ATRX: variants seen among roughly 807,000 people sequenced by gnomAD.
ATRX encodes ATRX chromatin remodeler, also known as chromatin remodeler ATRX.
Under a neutral mutation model 172.6 loss-of-function variants are expected in ATRX, and 12 were observed. That is an observed-to-expected ratio of 0.07 (90% CI 0.04 to 0.11). The LOEUF is 0.11. ATRX is among the 10% of genes least tolerant of loss of function. The pLI is 1.00. For synonymous variants in ATRX, 674 were observed against 594.7 expected (o/e 1.13, Z -1.94); for missense variants, 1,368 against 1,767.4 (o/e 0.77, Z 4.05).
At chrX:77,647,211 T>C (rs1189907385) in intron 15 of ATRX, among the ~76,000 whole-genome samples, 2 of 111,473 alleles carry the variant, frequency 1.8e-5, no homozygotes, top group Non-Finnish European at 3.8e-5. Context: ...GAAAACACTT[T>C]GAGACAAATG....
chrX:77,526,822 C>G (rs2063397532), intron 30 of ATRX, among the ~76,000 whole-genome samples: 1 of 111,825 alleles, frequency 8.9e-6, no homozygotes, highest in African/African-American at 3.3e-5. Context: ...AACGTATTCA[C>G]CCCACTAATT....
At position 77,709,408 on chromosome X, in the gene ATRX, T is replaced by C. The variant is rs782289934; in HGVS notation, c.133+7723A>G. Among the ~76,000 whole-genome samples the C allele has an allele frequency of 1.1e-4, 12 of 110,638 alleles. No individual in the cohort carries two copies. In the South Asian group the frequency reaches 4.1e-3, roughly 38 times the overall value. ...TGGGAATATAAAACAGTACAACCACTCTGGATAACAGTTCAGGAGTTTCTT... is the reference window on the plus strand; with the variant it reads ...TGGGAATATAAAACAGTACAACCACCCTGGATAACAGTTCAGGAGTTTCTT... On this transcript the variant is annotated intron_variant, in intron 2 of 34. Coordinates refer to ENST00000373344, the MANE Select transcript of ATRX (RefSeq NM_000489.6).
intron 34 of ATRX, among the ~76,000 whole-genome samples, chrX:77,515,689 CAA>C (rs1312737771): frequency 5.4e-5 from 6 of 111,893 alleles, no homozygotes; most frequent in Non-Finnish European, 1.1e-4. Context: ...CAGCTCATCA[CAA>C]AGAGTCTGAC....
intron 30 of ATRX, among the ~76,000 whole-genome samples, chrX:77,543,976 T>A (rs1031788651): frequency 3.8e-5 from 4 of 105,613 alleles, no homozygotes; most frequent in South Asian, 4.1e-4. Flanking sequence ...ATATATATAT[T>A]GGACACAAGC....
intron 34 of ATRX, 113 bp from the exon 35 acceptor site, chrX:77,508,742 A>G (rs2062768802): frequency 3.7e-6 from 3 of 808,987 alleles, no homozygotes; most frequent in Admixed American, 4.5e-5. Flanking sequence ...AGGAAAACAC[A>G]TTATTGTTAA....
intron 1 of ATRX, among the ~76,000 whole-genome samples, chrX:77,779,426 T>C (rs782118007): frequency 1.8e-5 from 2 of 111,258 alleles, no homozygotes; most frequent in East Asian, 5.6e-4. Context: ...TCTTTAACCA[T>C]ACTAATAGCT....
chrX:77,630,906 T>A (rs2068077278), intron 19 of ATRX, among the ~76,000 whole-genome samples: 1 of 111,352 alleles, frequency 9.0e-6, no homozygotes, highest in Non-Finnish European at 1.9e-5. Flanking sequence ...TTTTAAAGAT[T>A]AGTACTGAAA....
In ATRX at chrX:77,515,717, T is replaced by C. The variant is rs376477561; in HGVS notation, c.7200+5071A>G. ...AGAGTCTGACAAATTCAACATGTTA[T>C]AGACAACTAGAGCTTTTCTCATTCC... On this transcript the variant is annotated intron_variant, in intron 34 of 34. Coordinates refer to ENST00000373344, the MANE Select transcript of ATRX (RefSeq NM_000489.6). Among the ~76,000 whole-genome samples the C allele has an allele frequency of 1.5e-3, 164 of 112,162 alleles. 4 individuals carry two copies. The South Asian group carries it at 0.056, about 39-fold the overall frequency.
At chrX:77,560,677 T>A (rs1271711918) in intron 28 of ATRX, among the ~76,000 whole-genome samples, 2 of 111,423 alleles carry the variant, frequency 1.8e-5, no homozygotes, top group Non-Finnish European at 3.8e-5. Flanking sequence ...AAACTCTAAA[T>A]TTAAATGATG....
intron 27 of ATRX, among the ~76,000 whole-genome samples, chrX:77,574,878 T>C (rs1434122110): frequency 9.1e-6 from 1 of 109,798 alleles, no homozygotes; most frequent in Non-Finnish European, 1.9e-5. Flanking sequence ...ATTTCAAATG[T>C]GGTGTGTGTG....
At position 77,522,379 on chromosome X, in the gene ATRX, T is replaced by G; in HGVS notation, c.6859A>C (p.Met2287Leu). The G allele has an allele frequency of 2.5e-6, 3 of 1,210,485 alleles. No individual in the cohort carries two copies. The highest frequency in any genetic ancestry group is 3.4e-6 in the Non-Finnish European group (3 of 894,577). The change falls in exon 32 of 35, where the codon ATG (methionine) becomes CTG (leucine). Residue 2287 changes from methionine (M) to leucine (L), a missense_variant. By Grantham distance (15) the Met-to-Leu change is conservative. Coordinates refer to ENST00000373344, the MANE Select transcript of ATRX (RefSeq NM_000489.6). ...EYEAEKKGLT[M>L]RFNIPTGTNL... ...GTCCCAGTTGGTATGTTGAAACGCATGGTCAGTCCCTAAAAACAAAAAAAT... is the reference window on the plus strand; with the variant it reads ...GTCCCAGTTGGTATGTTGAAACGCAGGGTCAGTCCCTAAAAACAAAAAAAT...
At chrX:77,772,546 G>A (rs1016381090) in intron 1 of ATRX, among the ~76,000 whole-genome samples, 4 of 105,636 alleles carry the variant, frequency 3.8e-5, no homozygotes, top group East Asian at 3.0e-4. Context: ...GCGCCATCTC[G>A]GCTCACTGCA....
intron 30 of ATRX, among the ~76,000 whole-genome samples, chrX:77,536,750 G>A (rs1407081537): frequency 5.4e-5 from 6 of 111,695 alleles, no homozygotes; most frequent in African/African-American, 2.0e-4. Context: ...TATAATCTCT[G>A]CAATCAACTT....
chrX:77,737,379 C>T (rs1166999360), intron 1 of ATRX, among the ~76,000 whole-genome samples: 1 of 88,765 alleles, frequency 1.1e-5, no homozygotes. Flanking sequence ...GCCAAGATCG[C>T]ACCATTGCAC....
At chrX:77,578,920 G>A (rs2065727636) in intron 27 of ATRX, among the ~76,000 whole-genome samples, 1 of 111,577 alleles carries the variant, frequency 9.0e-6, no homozygotes, top group Non-Finnish European at 1.9e-5. Context: ...CTGCCCTGAA[G>A]GGTGAGTCTC....
intron 28 of ATRX, among the ~76,000 whole-genome samples, chrX:77,566,184 G>A (rs73627472): frequency 0.024 from 2,630 of 111,122 alleles, 72 homozygotes; most frequent in African/African-American, 0.082. Flanking sequence ...CCACAAACAG[G>A]ATAAACCCAA....
chrX:77,516,424 G>A (rs191829193), intron 34 of ATRX, among the ~76,000 whole-genome samples: 2 of 111,571 alleles, frequency 1.8e-5, no homozygotes, highest in Admixed American at 1.9e-4. Flanking sequence ...CCAAAAAAGA[G>A]CAGGACTAGC....
chrX:77,765,302 G>A (rs2075868798), intron 1 of ATRX, among the ~76,000 whole-genome samples: 1 of 112,072 alleles, frequency 8.9e-6, no homozygotes, highest in Non-Finnish European at 1.9e-5. Flanking sequence ...CTGAAGCACG[G>A]GAACAATAAT....
chrX:77,716,110 A>ATTTTTTTTTTTTTTTTTTT (rs199639051), intron 2 of ATRX, among the ~76,000 whole-genome samples: 2 of 54,407 alleles, frequency 3.7e-5, no homozygotes, highest in Non-Finnish European at 5.8e-5. Context: ...GTCTCTAAAA[A>ATTTTTTTTTTTTTTTTTTT]TTTTTTTTTT....
Sources: gnomAD v4.1 joint callset for allele counts (sites outside exome capture counted in the v4.1 genomes callset) on GRCh38, gnomAD v4.1.1 for gene constraint, MANE v1.5 for transcripts, NCBI Gene and HGNC (gene_info 2026-07-23, HGNC 2026-07-21) for gene names.